PTPRK: variants seen among roughly 807,000 people sequenced by gnomAD.
PTPRK encodes protein tyrosine phosphatase receptor type K.
PTPRK carries 75 observed loss-of-function variants against 178.0 expected under a neutral mutation model. The observed-to-expected ratio is 0.42, with a 90% CI of 0.35 to 0.51. PTPRK has a LOEUF of 0.51. Among genes scored for constraint, PTPRK ranks in the 20% least tolerant of loss-of-function variants. PTPRK has a pLI of 0.02. For synonymous variants in PTPRK, 637 were observed against 620.6 expected, an observed-to-expected ratio of 1.03 and a Z score of -0.39; for missense variants, 1,441 against 1,797.8, an observed-to-expected ratio of 0.80 and a Z score of 3.59.
intron 6 of PTPRK, among the ~76,000 whole-genome samples, chr6:128,214,838 T>C (rs766996767): frequency 2.6e-5 from 4 of 152,170 alleles, no homozygotes; most frequent in Non-Finnish European, 5.9e-5. Context: ...TACAACGGAA[T>C]GACATCTGTT....
intron 3 of PTPRK, among the ~76,000 whole-genome samples, chr6:128,270,264 A>G (rs1229972270): frequency 6.6e-6 from 1 of 152,164 alleles, no homozygotes; most frequent in Non-Finnish European, 1.5e-5. Flanking sequence ...TTTGAGCAGT[A>G]AGATTATATT....
intron 11 of PTPRK, among the ~76,000 whole-genome samples, chr6:128,072,728 C>T (rs1783051323): frequency 6.6e-6 from 1 of 151,936 alleles, no homozygotes; most frequent in Non-Finnish European, 1.5e-5. Flanking sequence ...CCTTTCTTGT[C>T]TAGTTTTTCT....
In PTPRK at chr6:128,005,286, C is replaced by T. The variant is rs1382350718; in HGVS notation, c.2334-42G>A. The stretch of plus-strand genomic sequence containing the variant: ...AAAAGGGCATCCTTAGTGTTTGAGG[C>T]TTGCAGGAGAGTTAACACCAGCAAT... On this transcript the variant is annotated intron_variant, in intron 14 of 29. Transcript: ENST00000368226. 1.9e-6 allele frequency: 3 copies of T among 1,601,382 alleles called. No individual in the cohort carries two copies. The African/African-American group carries it at 4.0e-5, about 21-fold the overall frequency.
At chr6:128,065,558 C>T (rs1260267785) in intron 12 of PTPRK, among the ~76,000 whole-genome samples, 1 of 152,182 alleles carries the variant, frequency 6.6e-6, no homozygotes, top group Non-Finnish European at 1.5e-5. Context: ...GAAAAGGTAT[C>T]AAAGCCAGTG....
At chr6:128,243,448 G>C (rs1259032355) in intron 3 of PTPRK, among the ~76,000 whole-genome samples, 2 of 123,536 alleles carry the variant, frequency 1.6e-5, no homozygotes, top group Non-Finnish European at 3.2e-5. Flanking sequence ...GAGCCCAGAA[G>C]TTCAAGACCA....
At chr6:128,106,162 A>G (rs186799217) in intron 7 of PTPRK, among the ~76,000 whole-genome samples, 199 of 152,330 alleles carry the variant, frequency 1.3e-3, no homozygotes, top group African/African-American at 4.7e-3. Context: ...AGATGCGATA[A>G]TAGAAAGTAC....
intron 1 of PTPRK, among the ~76,000 whole-genome samples, chr6:128,496,343 T>G (rs1011271824): frequency 6.6e-6 from 1 of 152,122 alleles, no homozygotes; most frequent in African/African-American, 2.4e-5. Context: ...CCCAGTCCAG[T>G]AGTAAAGTAG....
intron 1 of PTPRK, among the ~76,000 whole-genome samples, chr6:128,457,260 T>G (rs1447338616): frequency 1.3e-5 from 2 of 152,132 alleles, no homozygotes; most frequent in Admixed American, 1.3e-4. Flanking sequence ...GGAAAATACT[T>G]TCAAAGTATA....
At position 128,106,524 on chromosome 6, in the gene PTPRK, GA is replaced by G. The variant is rs756913777; in HGVS notation, c.1163-16533del. Among the ~76,000 whole-genome samples, 727 of 146,342 alleles carry G rather than the reference GA, an allele frequency of 5.0e-3. 2 individuals are homozygous for G. The highest frequency in any genetic ancestry group is 7.7e-3 in the Non-Finnish European group (512 of 66,254). On this transcript the variant is annotated intron_variant, in intron 7 of 29. Coordinates refer to ENST00000368226, the MANE Select transcript of PTPRK (RefSeq NM_002844.4). The stretch of plus-strand genomic sequence containing the variant: ...AAGCGCTAGGAAAAACAACTAACTT[GA>G]AAAAAAAAAGCACTAAAATCTAATA...
chr6:128,311,392 C>T (rs1381436783), intron 3 of PTPRK, among the ~76,000 whole-genome samples: 2 of 152,176 alleles, frequency 1.3e-5, no homozygotes, highest in Non-Finnish European at 2.9e-5. Context: ...TTAGCCTCTT[C>T]TGAGTGGTCC....
chr6:128,306,175 CAG>C (rs1346975168), intron 3 of PTPRK, among the ~76,000 whole-genome samples: 7 of 152,268 alleles, frequency 4.6e-5, no homozygotes, highest in African/African-American at 1.4e-4. Context: ...GGTGGTGACA[CAG>C]AGCCTAACCA....
chr6:128,205,579 C>T (rs1475934119), intron 6 of PTPRK, among the ~76,000 whole-genome samples: 1 of 151,650 alleles, frequency 6.6e-6, no homozygotes, highest in East Asian at 1.9e-4. Context: ...TGAGACCAAA[C>T]ATGGCCAATA....
chr6:128,353,359 T>G (rs1463395399), intron 2 of PTPRK, among the ~76,000 whole-genome samples: 1 of 152,256 alleles, frequency 6.6e-6, no homozygotes, highest in Non-Finnish European at 1.5e-5. Context: ...ATTGTACTCT[T>G]GTGCATTTAT....
chr6:128,021,644 A>G (rs75714367), intron 13 of PTPRK, among the ~76,000 whole-genome samples: 4,500 of 152,096 alleles, frequency 0.03, 205 homozygotes, highest in African/African-American at 0.098. Flanking sequence ...CGTCTCAAAA[A>G]AAAAGAAAGA....
intron 1 of PTPRK, among the ~76,000 whole-genome samples, chr6:128,509,894 C>T (rs1339784377): frequency 4.6e-5 from 7 of 152,064 alleles, no homozygotes; most frequent in Non-Finnish European, 1.0e-4. Flanking sequence ...ATTTCCTGAG[C>T]ATTTAAGTGT....
At chr6:128,237,474 C>G (rs189850037) in intron 5 of PTPRK, among the ~76,000 whole-genome samples, 166 of 152,246 alleles carry the variant, frequency 1.1e-3, no homozygotes, top group Non-Finnish European at 1.7e-3. Context: ...AAACGAATTA[C>G]AAGACTTTTT....
At chr6:128,314,835 C>T (rs1460131520) in intron 3 of PTPRK, among the ~76,000 whole-genome samples, 1 of 149,700 alleles carries the variant, frequency 6.7e-6, no homozygotes, top group Admixed American at 6.6e-5. Context: ...TTCTCCACCA[C>T]TATTTAAAAA....
chr6:128,454,910 T>C (rs1298797746), intron 1 of PTPRK, among the ~76,000 whole-genome samples: 4 of 152,154 alleles, frequency 2.6e-5, no homozygotes, highest in Non-Finnish European at 5.9e-5. Flanking sequence ...TTTAATGCTC[T>C]CCTTTTACTC....
chr6:128,370,271 T>G (rs1836085813), intron 2 of PTPRK, among the ~76,000 whole-genome samples: 1 of 152,134 alleles, frequency 6.6e-6, no homozygotes, highest in African/African-American at 2.4e-5. Context: ...GGCATCCCTG[T>G]TATTGATGTA....
Sources: gnomAD v4.1 joint callset for allele counts (sites outside exome capture counted in the v4.1 genomes callset) on GRCh38, gnomAD v4.1.1 for gene constraint, MANE v1.5 for transcripts, NCBI Gene and HGNC (gene_info 2026-07-23, HGNC 2026-07-21) for gene names.